The following DSTYK variants were observed in gnomAD, a reference collection of about 807,000 sequenced individuals.
DSTYK encodes the protein dual serine/threonine and tyrosine protein kinase.
A neutral mutation model predicts 98.7 loss-of-function variants in DSTYK; 34 were observed. That is an observed-to-expected ratio of 0.34 (90% CI 0.26 to 0.46). The LOEUF is 0.46. Ranked by LOEUF, DSTYK falls within the 20% of genes least tolerant of loss-of-function variation. The pLI is 1.00. For synonymous variants in DSTYK, 462 were observed against 457.3 expected (o/e 1.01, Z -0.13); for missense variants, 962 against 1,181.7 (o/e 0.81, Z 2.73).
chr1:205,154,966 A>T (rs998639218), intron 10 of DSTYK, among the ~76,000 whole-genome samples: 12 of 127,118 alleles, frequency 9.4e-5, no homozygotes, highest in Non-Finnish European at 1.8e-4. Flanking sequence ...ATCTGGTGGA[A>T]GAAATTTATT....
intron 2 of DSTYK, among the ~76,000 whole-genome samples, chr1:205,184,533 C>T (rs1289392009): frequency 6.6e-6 from 1 of 152,142 alleles, no homozygotes; most frequent in East Asian, 1.9e-4. Flanking sequence ...AATCACTCCA[C>T]TGCACTCCAG....
At chr1:205,206,155 T>C (rs1659191057) in intron 1 of DSTYK, among the ~76,000 whole-genome samples, 1 of 152,238 alleles carries the variant, frequency 6.6e-6, no homozygotes, top group South Asian at 2.1e-4. Context: ...CCAATGTCTT[T>C]ATTTGACTCT....
At chr1:205,151,875 T>C (rs868502549) in intron 10 of DSTYK, among the ~76,000 whole-genome samples, 12 of 152,276 alleles carry the variant, frequency 7.9e-5, no homozygotes, top group Middle Eastern at 3.4e-3. Flanking sequence ...CACCTTCTTC[T>C]GGAATTTGTC....
chr1:205,208,317 A>T (rs1474037213), intron 1 of DSTYK, among the ~76,000 whole-genome samples: 1 of 152,212 alleles, frequency 6.6e-6, no homozygotes, highest in African/African-American at 2.4e-5. Context: ...TGAGACAATA[A>T]AAATTTTTGG....
intron 5 of DSTYK, among the ~76,000 whole-genome samples, chr1:205,162,658 C>T (rs1246082881): frequency 6.6e-6 from 1 of 152,078 alleles, no homozygotes; most frequent in Non-Finnish European, 1.5e-5. Flanking sequence ...TATCATTTAT[C>T]TTTTTTTTCT....
At chr1:205,187,136 A>G (rs1268607593) in intron 2 of DSTYK, among the ~76,000 whole-genome samples, 1 of 152,198 alleles carries the variant, frequency 6.6e-6, no homozygotes, top group Non-Finnish European at 1.5e-5. Context: ...GCATGCTAAG[A>G]TACAAGTATC....
rs1553364743 is a variant in DSTYK, at chr1:205,181,679, T to TGTGTGG, written c.654+5738_654+5739insCCACAC. On this transcript the variant is annotated intron_variant, in intron 2 of 12. Transcript: ENST00000367162. The stretch of plus-strand genomic sequence containing the variant: ...GTTTGTGTGTGTGTGTGTGTGTGTG[T>TGTGTGG]GTGTGTGTGTGTGTGTGTGGCGGGG... Among the ~76,000 whole-genome samples, 3 of 151,322 alleles carry TGTGTGG rather than the reference T, an allele frequency of 2.0e-5. 1 individual carries two copies. The highest frequency in any genetic ancestry group is 7.3e-5 in the African/African-American group (3 of 41,162).
intron 3 of DSTYK, among the ~76,000 whole-genome samples, chr1:205,168,157 C>A (rs1052856390): frequency 6.6e-6 from 1 of 152,092 alleles, no homozygotes; most frequent in African/African-American, 2.4e-5. Flanking sequence ...CAAGGGAAGA[C>A]AATTCAAGAC....
chr1:205,147,811 C>T (rs1657285897), intron 12 of DSTYK, 66 bp from the exon 13 acceptor site: 1 of 1,543,862 alleles, frequency 6.5e-7, no homozygotes, highest in Non-Finnish European at 8.9e-7. Flanking sequence ...GAGGCATGAC[C>T]AGCTCAAAGG....
chr1:205,148,443 A>G (rs1657309014), intron 11 of DSTYK, 104 bp from the exon 12 acceptor site: 1 of 1,422,344 alleles, frequency 7.0e-7, no homozygotes, highest in Non-Finnish European at 9.6e-7. Flanking sequence ...AAAGCTTTTA[A>G]CAACTATTAT....
chr1:205,158,618 C>A (rs1194145733), intron 9 of DSTYK, among the ~76,000 whole-genome samples: 1 of 152,164 alleles, frequency 6.6e-6, no homozygotes, highest in African/African-American at 2.4e-5. Context: ...ATTATGTCTC[C>A]TGATTCCCAA....
At chr1:205,193,638 A>C (rs1444332717) in intron 1 of DSTYK, among the ~76,000 whole-genome samples, 4 of 152,182 alleles carry the variant, frequency 2.6e-5, no homozygotes, top group Non-Finnish European at 5.9e-5. Context: ...TGGGAGGCCC[A>C]GGTGGGTGGA....
intron 1 of DSTYK, among the ~76,000 whole-genome samples, chr1:205,206,391 T>G (rs1406346535): frequency 9.2e-5 from 14 of 151,652 alleles, no homozygotes; most frequent in South Asian, 6.3e-4. Flanking sequence ...GCGATTCTCC[T>G]GCCTCAGCCT....
At chr1:205,156,655 G>A (rs1480984282) in intron 10 of DSTYK, among the ~76,000 whole-genome samples, 5 of 152,186 alleles carry the variant, frequency 3.3e-5, no homozygotes, top group Admixed American at 3.3e-4. Context: ...GAAGGGACTT[G>A]CGTTGTCTCA....
intron 3 of DSTYK, among the ~76,000 whole-genome samples, chr1:205,166,467 T>C (rs190556328): frequency 2.2e-4 from 32 of 145,744 alleles, no homozygotes; most frequent in Admixed American, 1.3e-3. Context: ...AGACCTCGTC[T>C]TTACAAAAAA....
chr1:205,161,381 C>G lies in DSTYK; in HGVS notation c.1825G>C (p.Ala609Pro). 6 of 1,614,128 alleles carry G rather than the reference C, an allele frequency of 3.7e-6. No homozygotes were observed. The highest frequency in any genetic ancestry group is 5.1e-6 in the Non-Finnish European group (6 of 1,179,992). ...AFAASLRQLE[A>P]GHSGRLEKTE... ...TTCTCTAACCGGCCTGAGTGGCCAG[C>G]TTCCAGCTGGGAGAGAAACAGAAAA... is the stretch of plus-strand genomic sequence containing the variant. Residue 609 changes from alanine to proline, a missense_variant, in exon 7 of 13, where the codon GCT becomes CCT. Ala to Pro is a conservative substitution (Grantham distance 27, BLOSUM62 -1). This residue lies in a region of DSTYK where 660 missense variants were observed against 855.0 expected (regional missense o/e 0.77). Coordinates refer to ENST00000367162, the MANE Select transcript of DSTYK (RefSeq NM_015375.3).
chr1:205,189,513 C>A (rs1195379915), intron 1 of DSTYK, among the ~76,000 whole-genome samples: 1 of 152,308 alleles, frequency 6.6e-6, no homozygotes, highest in Non-Finnish European at 1.5e-5. Flanking sequence ...GCTTTAGTCA[C>A]TTAACCATAA....
intron 10 of DSTYK, among the ~76,000 whole-genome samples, chr1:205,153,085 C>CT (rs1417283948): frequency 6.6e-6 from 1 of 152,174 alleles, no homozygotes; most frequent in Admixed American, 6.5e-5. Flanking sequence ...CCTAAAGTCC[C>CT]TGTAGTTTCC....
At chr1:205,180,438 T>C (rs1053126676) in intron 2 of DSTYK, among the ~76,000 whole-genome samples, 1 of 152,194 alleles carries the variant, frequency 6.6e-6, no homozygotes, top group Non-Finnish European at 1.5e-5. Context: ...GCAAAGGACA[T>C]GAACTCATTC....
Sources: allele counts gnomAD v4.1 joint callset (sites outside exome capture counted in the v4.1 genomes callset), GRCh38; gene constraint gnomAD v4.1.1; regional missense constraint gnomAD v4.1.1; transcripts MANE v1.5; gene names NCBI Gene and HGNC (gene_info 2026-07-23, HGNC 2026-07-21).